The following NRK variants were observed in gnomAD, a reference collection of about 807,000 sequenced individuals.
The protein encoded by NRK is Nik related kinase, also known as nik-related protein kinase.
A neutral mutation model predicts 125.2 loss-of-function variants in NRK; 67 were observed. The ratio of observed to expected loss-of-function variants is 0.54; its 90% CI spans 0.44 to 0.66. NRK has a LOEUF of 0.66. Among genes scored for constraint, NRK ranks in the 30% least tolerant of loss-of-function variants. NRK has a pLI of 0.00. For missense variants in NRK, 1,224 were observed against 1,192.9 expected (o/e 1.03, Z -0.38); for synonymous variants, 458 against 429.0 (o/e 1.07, Z -0.84).
At chrX:105,938,278 G>A (rs1316514569) in intron 22 of NRK, among the ~76,000 whole-genome samples, 2 of 111,534 alleles carry the variant, frequency 1.8e-5, no homozygotes, top group Admixed American at 1.9e-4. Context: ...ATAAAATGAT[G>A]CTAATCACAG....
Position 105,831,006 on chromosome X carries a change from A to G in NRK, c.58-48A>G, listed in dbSNP as rs1291999086. ...TTAAAAAAAAGATAGTTGAATGCTC[A>G]CCTAATTTCCTAAGAAGATTAACAA... On this transcript the variant is annotated intron_variant, in intron 1 of 28. Coordinates refer to ENST00000243300, the MANE Select transcript of NRK (RefSeq NM_198465.4). 8 of 758,280 alleles carry G rather than the reference A, an allele frequency of 1.1e-5. No individual in the cohort carries two copies. The Admixed American group carries it at 1.9e-4, about 18-fold the overall frequency. The allele number at this position is 758,280 out of a possible 1,213,427, so 62.5% of individuals were successfully genotyped here. A position where few individuals can be genotyped will look rare whatever the true frequency, so the allele number is the denominator to read the frequency against.
At chrX:105,827,837 A>C (rs993000770) in intron 1 of NRK, among the ~76,000 whole-genome samples, 6 of 112,128 alleles carry the variant, frequency 5.4e-5, no homozygotes, top group Non-Finnish European at 7.5e-5. Flanking sequence ...ACATCAAGAC[A>C]TACCAAACCC....
chrX:105,853,386 G>T (rs1297208284), intron 2 of NRK, among the ~76,000 whole-genome samples: 2 of 111,470 alleles, frequency 1.8e-5, no homozygotes, highest in African/African-American at 6.5e-5. Flanking sequence ...CTTCTTTGTT[G>T]CTTCATTGTG....
intron 2 of NRK, among the ~76,000 whole-genome samples, chrX:105,833,956 A>G (rs1343701089): frequency 1.8e-5 from 2 of 111,302 alleles, no homozygotes; most frequent in Non-Finnish European, 3.8e-5. Context: ...CCCTATACTT[A>G]CTCTTTTCCC....
In NRK at chrX:105,905,338, C is replaced by T. The variant is rs753383727; in HGVS notation, c.840C>T (p.Ser280=). ...LRESAPTVKS[S]GWSRKFHNFM... is the part of the protein sequence containing the mutation. ...AATCTGCTCCCACAGTCAAATCCAG[C>T]GGATGGTAAAGATGAATGTCTTAAT... The change falls in exon 10 of 29, where the codon AGC becomes AGT. Residue 280 remains serine (S), a synonymous_variant. Transcript: ENST00000243300. 3.3e-5 allele frequency: 39 copies of T among 1,176,430 alleles called. No homozygotes were observed. In the East Asian group the frequency reaches 3.9e-4, roughly 12 times the overall value.
intron 1 of NRK, among the ~76,000 whole-genome samples, chrX:105,823,460 G>A (rs961552861): frequency 9.0e-6 from 1 of 111,288 alleles, no homozygotes; most frequent in African/African-American, 3.3e-5. Context: ...TCTTGCCAGG[G>A]CAATGTTCCT....
In NRK at chrX:105,924,913, T is replaced by C; in HGVS notation, c.3194T>C (p.Val1065Ala). ...RGSEGDGGKG[V>A]VRTSEESGAL... ...AGTGAGGGTGATGGAGGTAAGGGAGTCGTTCGAACCAGTGAAGAGAGTGGA... is the reference window on the plus strand; with the variant it reads ...AGTGAGGGTGATGGAGGTAAGGGAGCCGTTCGAACCAGTGAAGAGAGTGGA... The change falls in exon 19 of 29, where the codon GTC becomes GCC. Residue 1065 changes from valine to alanine, a missense_variant. Coordinates refer to ENST00000243300, the MANE Select transcript of NRK (RefSeq NM_198465.4). 1 of 1,208,075 alleles carries C rather than the reference T, an allele frequency of 8.3e-7. No individual in the cohort carries two copies. Among genetic ancestry groups the C allele is most frequent in the Non-Finnish European group, 1.1e-6 (1 of 893,652 alleles).
intron 24 of NRK, among the ~76,000 whole-genome samples, chrX:105,945,473 C>T (rs909901361): frequency 1.8e-5 from 2 of 111,818 alleles, no homozygotes; most frequent in Admixed American, 9.5e-5. Flanking sequence ...ACTGTATATA[C>T]AGTCTGAGTC....
chrX:105,908,732 C>A lies in NRK; in HGVS notation c.1091C>A (p.Pro364His), dbSNP rs372374321. The change falls in exon 13 of 29, where the codon CCC (proline) becomes CAC (histidine). Residue 364 changes from proline (P) to histidine (H), a missense_variant. By Grantham distance (77) the Pro-to-His change is moderately conservative (BLOSUM62 -2). Coordinates refer to ENST00000243300, the MANE Select transcript of NRK (RefSeq NM_198465.4). ...CATTTGTGTGTTTATTTTAGAGGAC[C>A]CTCTTGCACTCACGAGCTTCTGAGA... ...EQYTVRRFRG[P>H]SCTHELLRLP... The A allele has an allele frequency of 5.4e-5, 63 of 1,173,643 alleles. No homozygotes were observed. The highest frequency in any genetic ancestry group is 7.2e-5 in the Non-Finnish European group (63 of 874,598).
chrX:105,873,513 C>T (rs770866909), intron 2 of NRK, among the ~76,000 whole-genome samples: 1 of 111,596 alleles, frequency 9.0e-6, no homozygotes, highest in Non-Finnish European at 1.9e-5. Flanking sequence ...ACTAATGGCT[C>T]ATCTCAGTGA....
At chrX:105,910,449 G>T (rs2040283771) in intron 13 of NRK, among the ~76,000 whole-genome samples, 1 of 112,296 alleles carries the variant, frequency 8.9e-6, no homozygotes, top group Admixed American at 9.4e-5. Flanking sequence ...CTAATTTGCT[G>T]CCCGTTTTAC....
rs1569290019 is a variant in NRK at position 105,844,011 on chromosome X, G to GTGTGTGTGTGTGTGTGTC, written c.123+12899_123+12900insGTGTGTGTGTCTGTGTGT. Among the ~76,000 whole-genome samples the GTGTGTGTGTGTGTGTGTC allele has an allele frequency of 3.2e-4, 28 of 87,242 alleles. 1 individual carries two copies. The highest frequency in any genetic ancestry group is 1.2e-3 in the African/African-American group (25 of 21,068). The allele number at this position is 87,242 out of a possible 115,157, so 75.8% of individuals were successfully genotyped here. A position where few individuals can be genotyped will look rare whatever the true frequency, so the allele number is the denominator to read the frequency against. The stretch of plus-strand genomic sequence containing the variant: ...TGTGTGTGTGTGTGTGTGTGTGTGT[G>GTGTGTGTGTGTGTGTGTC]TGTGTGTCTGTGTGTGTGTGTGTGT... On this transcript the variant is annotated intron_variant, in intron 2 of 28. Transcript: ENST00000243300.
chrX:105,922,861 C>T (rs769728498), intron 17 of NRK, among the ~76,000 whole-genome samples: 1 of 111,128 alleles, frequency 9.0e-6, no homozygotes, highest in African/African-American at 3.3e-5. Context: ...AGTGTCCATT[C>T]CTGAGCTGAC....
chrX:105,867,277 C>T (rs757753720), intron 2 of NRK, among the ~76,000 whole-genome samples: 15 of 111,336 alleles, frequency 1.3e-4, no homozygotes, highest in Non-Finnish European at 2.1e-4. Context: ...TCTCTTGCCT[C>T]GGTCAGATGT....
At chrX:105,950,580 A>G (rs868550161) in intron 27 of NRK, among the ~76,000 whole-genome samples, 8 of 95,215 alleles carry the variant, frequency 8.4e-5, no homozygotes, top group Non-Finnish European at 4.3e-5. Flanking sequence ...GTGTGTGTGG[A>G]GAGAGAGAGA....
At chrX:105,824,617 C>CA (rs59276814) in intron 1 of NRK, among the ~76,000 whole-genome samples, 1,854 of 75,428 alleles carry the variant, frequency 0.025, 38 homozygotes, top group African/African-American at 0.058. Context: ...TTTACTGCCA[C>CA]AAAAAAAAAA....
chrX:105,867,764 CA>C (rs2039691416), intron 2 of NRK, among the ~76,000 whole-genome samples: 1 of 111,755 alleles, frequency 8.9e-6, no homozygotes, highest in African/African-American at 3.2e-5. Flanking sequence ...GCAATGAAAT[CA>C]ATTTGAAAAC....
intron 16 of NRK, among the ~76,000 whole-genome samples, chrX:105,920,519 G>T (rs867236516): frequency 1.9e-5 from 2 of 107,783 alleles, no homozygotes; most frequent in African/African-American, 3.4e-5. Flanking sequence ...ATTCTTCCTA[G>T]CCATGAGCAT....
chrX:105,903,441 A>T (rs182215790), intron 9 of NRK, among the ~76,000 whole-genome samples: 1 of 111,405 alleles, frequency 9.0e-6, no homozygotes, highest in African/African-American at 3.3e-5. Flanking sequence ...AGATCTCAAC[A>T]TGTGTTAAGA....
Sources: allele counts gnomAD v4.1 joint callset (sites outside exome capture counted in the v4.1 genomes callset), GRCh38; gene constraint gnomAD v4.1.1; transcripts MANE v1.5; gene names NCBI Gene and HGNC (gene_info 2026-07-23, HGNC 2026-07-21).